CDH8: variants seen among roughly 807,000 people sequenced by gnomAD.
CDH8 encodes cadherin 8.
In CDH8, 17 loss-of-function variants were observed where a neutral mutation model predicts 68.1. That is an observed-to-expected ratio of 0.25 (90% CI 0.17 to 0.37). The LOEUF (loss-of-function observed/expected upper bound fraction) is 0.37, where lower values mean the gene tolerates loss of function less well. CDH8 is among the 10% of genes least tolerant of loss of function. The probability of loss-of-function intolerance (pLI) is 1.00; values close to 1 mark genes in which losing one functional copy is unlikely to be tolerated. For synonymous variants in CDH8, 372 were observed against 365.1 expected, an observed-to-expected ratio of 1.02 and a Z score of -0.21; for missense variants, 763 against 999.3, an observed-to-expected ratio of 0.76 and a Z score of 3.19.
intron 2 of CDH8, chr16:61,938,127 T>A (rs1048993221): frequency 1.6e-4 from 25 of 152,234 alleles, no homozygotes; most frequent in African/African-American, 6.0e-4. Context: ...TTTTTTAAAT[T>A]CTCCAAATCA....
intron 5 of CDH8, among the ~76,000 whole-genome samples, chr16:61,822,717 G>A (rs905284208): frequency 1.3e-5 from 2 of 151,892 alleles, no homozygotes; most frequent in Non-Finnish European, 2.9e-5. Context: ...CATAATTGGT[G>A]TAATGATTCC....
Position 61,909,944 on chromosome 16 carries a change from G to A in CDH8, c.253-8471C>T, listed in dbSNP as rs569055014. 4.6e-5 allele frequency among the ~76,000 whole-genome samples: 7 copies of A among 152,138 alleles called. No homozygotes were observed. The East Asian group carries it at 7.8e-4, about 17-fold the overall frequency. The stretch of plus-strand genomic sequence containing the variant: ...CCTTGGCAAATTTTCTACTATCTTC[G>A]GTCTGGACCGCAGTTTTACGGGTTT... On this transcript the variant is annotated intron_variant, in intron 2 of 11. Coordinates refer to ENST00000577390, the MANE Select transcript of CDH8 (RefSeq NM_001796.5).
At chr16:61,888,598 A>T (rs1352266347) in intron 3 of CDH8, among the ~76,000 whole-genome samples, 1 of 144,916 alleles carries the variant, frequency 6.9e-6, no homozygotes, top group African/African-American at 2.9e-5. Context: ...TTGTAAAATA[A>T]GAATAATAAA....
chr16:61,871,324 G>T (rs566805670), intron 3 of CDH8, among the ~76,000 whole-genome samples: 1 of 151,594 alleles, frequency 6.6e-6, no homozygotes, highest in African/African-American at 2.4e-5. Context: ...AGGATTACAG[G>T]TGTGTAATCC....
chr16:61,941,762 T>C (rs1056247328), intron 2 of CDH8, among the ~76,000 whole-genome samples: 7 of 152,174 alleles, frequency 4.6e-5, no homozygotes, highest in Admixed American at 3.9e-4. Flanking sequence ...TTTTGTTTTG[T>C]TTTGCTTTTT....
At position 61,655,686 on chromosome 16, in the gene CDH8, A is replaced by G; in HGVS notation, c.1690T>C (p.Phe564Leu). Residue 564 changes from phenylalanine (F) to leucine (L), a missense_variant, in exon 11 of 12, where the codon TTC becomes CTC. Phe to Leu is a conservative substitution (Grantham distance 22). Coordinates refer to ENST00000577390, the MANE Select transcript of CDH8 (RefSeq NM_001796.5). ...SLSILAKHNG[F>L]NRQKQEVYLL... ...TAGACTTCTTGCTTCTGGCGGTTGAATCCATTATGCTTTGCCAAAATACTG... is the reference window on the plus strand; with the variant it reads ...TAGACTTCTTGCTTCTGGCGGTTGAGTCCATTATGCTTTGCCAAAATACTG... The G allele has an allele frequency of 6.2e-7, 1 of 1,614,026 alleles. No individual in the cohort carries two copies. The highest frequency in any genetic ancestry group is 8.5e-7 in the Non-Finnish European group (1 of 1,179,902).
intron 2 of CDH8, among the ~76,000 whole-genome samples, chr16:61,999,864 T>C (rs1392058097): frequency 6.6e-6 from 1 of 152,112 alleles, no homozygotes; most frequent in South Asian, 2.1e-4. Context: ...TAGGTATACA[T>C]ACATGTACCA....
chr16:61,967,718 T>G (rs1965276015), intron 2 of CDH8, among the ~76,000 whole-genome samples: 1 of 152,188 alleles, frequency 6.6e-6, no homozygotes, highest in Admixed American at 6.5e-5. Flanking sequence ...AAGTTTCAGA[T>G]TTTGAAGGCT....
At chr16:61,759,861 T>C (rs1281621043) in intron 8 of CDH8, among the ~76,000 whole-genome samples, 2 of 152,140 alleles carry the variant, frequency 1.3e-5, no homozygotes, top group Non-Finnish European at 2.9e-5. Flanking sequence ...TCTTACTGAA[T>C]AAGTAATTGA....
intron 2 of CDH8, among the ~76,000 whole-genome samples, chr16:61,903,478 G>T (rs1423291720): frequency 2.0e-5 from 3 of 151,950 alleles, no homozygotes; most frequent in Non-Finnish European, 2.9e-5. Context: ...CGCCCGCCAC[G>T]GCGCCCGGCT....
intron 1 of CDH8, among the ~76,000 whole-genome samples, chr16:62,025,034 T>A (rs1902164218): frequency 1.3e-5 from 2 of 152,068 alleles, no homozygotes; most frequent in African/African-American, 4.8e-5. Context: ...TCTTAGAAGG[T>A]TTAAAAGAAA....
chr16:61,951,412 C>T (rs1669262042), intron 2 of CDH8, among the ~76,000 whole-genome samples: 1 of 150,344 alleles, frequency 6.7e-6, no homozygotes, highest in African/African-American at 2.5e-5. Context: ...ACTTGGGAGG[C>T]TGAGGCAGGA....
At chr16:61,780,015 C>G (rs1027526458) in intron 8 of CDH8, among the ~76,000 whole-genome samples, 1 of 152,180 alleles carries the variant, frequency 6.6e-6, no homozygotes, top group African/African-American at 2.4e-5. Context: ...CATCCTTGCC[C>G]TCTGTGAAAT....
At chr16:61,767,867 A>G (rs4497675) in intron 8 of CDH8, among the ~76,000 whole-genome samples, 6,668 of 151,996 alleles carry the variant, frequency 0.044, 408 homozygotes, top group East Asian at 0.24. Context: ...GTAAGGCAGA[A>G]GGTCTGCCTC....
chr16:61,927,613 A>G (rs976500395), intron 2 of CDH8, among the ~76,000 whole-genome samples: 1 of 152,154 alleles, frequency 6.6e-6, no homozygotes, highest in African/African-American at 2.4e-5. Flanking sequence ...ATGACTCAAA[A>G]CTAGGCTTTC....
intron 1 of CDH8, among the ~76,000 whole-genome samples, chr16:62,033,203 C>T (rs1484844816): frequency 2.0e-5 from 3 of 152,162 alleles, no homozygotes; most frequent in Admixed American, 6.5e-5. Flanking sequence ...TGTTTTACAT[C>T]GATCATGCTG....
intron 2 of CDH8, among the ~76,000 whole-genome samples, chr16:61,908,042 CAAAAAA>C (rs547459147): frequency 1.1e-5 from 1 of 91,610 alleles, no homozygotes; most frequent in African/African-American, 4.1e-5. Context: ...GACTCAGTCT[CAAAAAA>C]AAAAAAAAAA....
chr16:61,713,202 A>G (rs1964663338), intron 10 of CDH8, among the ~76,000 whole-genome samples: 1 of 151,686 alleles, frequency 6.6e-6, no homozygotes, highest in South Asian at 2.1e-4. Context: ...GCTTTCACAT[A>G]TAATAAATAG....
At chr16:61,972,571 G>GTGGT (rs1965358072) in intron 2 of CDH8, among the ~76,000 whole-genome samples, 1 of 131,468 alleles carries the variant, frequency 7.6e-6, no homozygotes, top group Non-Finnish European at 1.7e-5. Context: ...ACACATTGTG[G>GTGGT]GTGTGTGTGT....
Sources: gnomAD v4.1 joint callset for allele counts (sites outside exome capture counted in the v4.1 genomes callset) on GRCh38, gnomAD v4.1.1 for gene constraint, MANE v1.5 for transcripts, NCBI Gene and HGNC (gene_info 2026-07-23, HGNC 2026-07-21) for gene names.